LOXL2: variants seen among roughly 807,000 people sequenced by gnomAD.
LOXL2 encodes the protein lysyl oxidase like 2.
A neutral mutation model predicts 93.0 loss-of-function variants in LOXL2; 70 were observed. The observed-to-expected ratio is 0.75, with a 90% CI of 0.62 to 0.92. The LOEUF (loss-of-function observed/expected upper bound fraction) is 0.92. Ranked by LOEUF, LOXL2 falls within the 40% of genes least tolerant of loss-of-function variation. The pLI is 0.00. For synonymous variants in LOXL2, 438 were observed against 413.2 expected, an observed-to-expected ratio of 1.06 and a Z score of -0.73; for missense variants, 973 against 1,054.9, an observed-to-expected ratio of 0.92 and a Z score of 1.08.
At chr8:23,380,044 G>A (rs562177066) in intron 1 of LOXL2, among the ~76,000 whole-genome samples, 3 of 152,144 alleles carry the variant, frequency 2.0e-5, no homozygotes, top group African/African-American at 7.2e-5. Context: ...GCTGGCAGAC[G>A]TAGACTGAAG....
In LOXL2 at chr8:23,375,358, A is replaced by G. The variant is rs528203948; in HGVS notation, c.-83-6924T>C. Among the ~76,000 whole-genome samples the G allele has an allele frequency of 1.8e-4, 28 of 152,078 alleles. 1 individual carries two copies. Among genetic ancestry groups the G allele is most frequent in the Non-Finnish European group, 3.4e-4 (23 of 68,012 alleles). On this transcript the variant is annotated intron_variant, in intron 1 of 13. Coordinates refer to ENST00000389131, the MANE Select transcript of LOXL2 (RefSeq NM_002318.3). Reference sequence around the variant, plus strand: ...GTTTTGGTTACTGTAGCCTTGTAGTATAGTTTGAAGTCAGGTAGCTTGATG... The same window carrying G: ...GTTTTGGTTACTGTAGCCTTGTAGTGTAGTTTGAAGTCAGGTAGCTTGATG...
chr8:23,385,506 C>T (rs866992357), intron 1 of LOXL2, among the ~76,000 whole-genome samples: 3 of 151,462 alleles, frequency 2.0e-5, no homozygotes, highest in South Asian at 2.1e-4. Flanking sequence ...GTGATCCGCC[C>T]GGCTCAGCCT....
chr8:23,300,849 T>C (rs936016486), intron 12 of LOXL2, among the ~76,000 whole-genome samples: 1 of 152,184 alleles, frequency 6.6e-6, no homozygotes, highest in African/African-American at 2.4e-5. Flanking sequence ...AGCAAAATGA[T>C]AGCAAACCTC....
chr8:23,325,322 C>T (rs182765525), intron 6 of LOXL2, among the ~76,000 whole-genome samples: 88 of 152,284 alleles, frequency 5.8e-4, no homozygotes, highest in Middle Eastern at 6.8e-3. Flanking sequence ...GACAGAGTCT[C>T]GCTATGTCAC....
chr8:23,298,835 C>T lies in LOXL2; in HGVS notation c.2245+1G>A. ...CTGGAGTGGGGGCGGCCTGGCCTTA[C>T]CTATGTGGCAGTTGTACATCCAGAT... On this transcript the variant is annotated splice_donor_variant, in intron 13 of 13. Coordinates refer to ENST00000389131, the MANE Select transcript of LOXL2 (RefSeq NM_002318.3). LOFTEE classifies it high-confidence loss of function. 1 of 1,603,378 alleles carries T rather than the reference C, an allele frequency of 6.2e-7. No homozygotes were observed. The highest frequency in any genetic ancestry group is 8.5e-7 in the Non-Finnish European group (1 of 1,170,506).
intron 10 of LOXL2, among the ~76,000 whole-genome samples, chr8:23,304,231 C>CGA (rs1259805455): frequency 6.6e-6 from 1 of 152,206 alleles, no homozygotes; most frequent in Non-Finnish European, 1.5e-5. Context: ...GTTTACATAA[C>CGA]GAGGCTCCCT....
rs1803871598 is a variant in LOXL2 at position 23,340,910 on chromosome 8, G to A, written c.743+82C>T. 5 of 1,300,582 alleles carry A rather than the reference G, an allele frequency of 3.8e-6. No homozygotes were observed. In the Admixed American group the frequency reaches 8.5e-5, roughly 22 times the overall value. 80.6% of individuals were successfully genotyped at this position (1,300,582 alleles called of 1,614,324 possible). A position where few individuals can be genotyped will look rare whatever the true frequency, so the allele number is the denominator to read the frequency against. On this transcript the variant is annotated intron_variant, in intron 4 of 13. Transcript: ENST00000389131. ...CCTGGCCATGCCTGGCCAAGGAAAG[G>A]CCACCACCAGGGCGGACACTTTTAA...
chr8:23,382,226 T>G (rs771464514), intron 1 of LOXL2, among the ~76,000 whole-genome samples: 1 of 152,070 alleles, frequency 6.6e-6, no homozygotes, highest in Non-Finnish European at 1.5e-5. Flanking sequence ...TGTGATAAAA[T>G]GCAATCAGCG....
At chr8:23,303,506 G>T (rs1012934880) in intron 10 of LOXL2, 109 bp from the exon 11 acceptor site, 1 of 682,606 alleles carries the variant, frequency 1.5e-6, no homozygotes, top group South Asian at 1.7e-5. Context: ...GGGGACCAGA[G>T]GGGGCCGGGT....
intron 4 of LOXL2, chr8:23,336,445 C>T (rs1360304563): frequency 6.6e-6 from 1 of 152,262 alleles, no homozygotes; most frequent in Non-Finnish European, 1.5e-5. Context: ...GACAGCCCAC[C>T]CCGCTCCAGA....
chr8:23,299,759 G>C (rs1803097787), intron 12 of LOXL2, among the ~76,000 whole-genome samples: 1 of 152,246 alleles, frequency 6.6e-6, no homozygotes, highest in African/African-American at 2.4e-5. Context: ...CCACAGCAGG[G>C]GGGCGGGTAC....
chr8:23,300,170 G>T (rs528722191), intron 12 of LOXL2, among the ~76,000 whole-genome samples: 1 of 152,250 alleles, frequency 6.6e-6, no homozygotes, highest in African/African-American at 2.4e-5. Context: ...CCGTGAGGGC[G>T]GCTGGATGCA....
chr8:23,320,671 G>C (rs12544447), intron 7 of LOXL2, among the ~76,000 whole-genome samples: 3,237 of 152,294 alleles, frequency 0.021, 126 homozygotes, highest in Admixed American at 0.087. Context: ...ACTTTGCGGG[G>C]CCAAGGTGGG....
chr8:23,379,571 C>T (rs954278685), intron 1 of LOXL2, among the ~76,000 whole-genome samples: 2 of 152,210 alleles, frequency 1.3e-5, no homozygotes, highest in African/African-American at 2.4e-5. Context: ...CCTTGAGCTG[C>T]GGTGGGCTGC....
intron 9 of LOXL2, among the ~76,000 whole-genome samples, chr8:23,314,967 C>T (rs983798749): frequency 7.2e-5 from 11 of 152,146 alleles, no homozygotes; most frequent in Admixed American, 6.5e-4. Flanking sequence ...GGGTGGCCAG[C>T]GAGGAGGCTG....
intron 12 of LOXL2, among the ~76,000 whole-genome samples, chr8:23,299,384 G>T (rs571250182): frequency 6.6e-6 from 1 of 152,174 alleles, no homozygotes; most frequent in East Asian, 1.9e-4. Flanking sequence ...CGTCACAGGC[G>T]TGTGACTGTG....
chr8:23,301,297 A>C (rs891447242), intron 12 of LOXL2, among the ~76,000 whole-genome samples: 2 of 152,218 alleles, frequency 1.3e-5, no homozygotes, highest in Admixed American at 6.5e-5. Flanking sequence ...CTAGGGACAC[A>C]ATGCCCCTTT....
chr8:23,337,566 G>C (rs1585357017), intron 4 of LOXL2: 1 of 152,268 alleles, frequency 6.6e-6, no homozygotes, highest in East Asian at 1.9e-4. Flanking sequence ...CCACACTTTG[G>C]TCCACATTTC....
intron 1 of LOXL2, among the ~76,000 whole-genome samples, chr8:23,394,166 G>A (rs1399696811): frequency 6.6e-6 from 1 of 152,106 alleles, no homozygotes; most frequent in African/African-American, 2.4e-5. Context: ...GCCGAGGTGG[G>A]CGGATCACCT....
Sources: allele counts gnomAD v4.1 joint callset (sites outside exome capture counted in the v4.1 genomes callset), GRCh38; gene constraint gnomAD v4.1.1; transcripts MANE v1.5; gene names NCBI Gene and HGNC (gene_info 2026-07-23, HGNC 2026-07-21).